Variants in ESR2 observed in about 807,000 individuals in gnomAD.
ESR2 encodes the protein estrogen receptor 2.
In ESR2, 36 loss-of-function variants were observed where a neutral mutation model predicts 49.6. The observed-to-expected ratio is 0.73, with a 90% CI of 0.56 to 0.96. The LOEUF (loss-of-function observed/expected upper bound fraction) is 0.96. Ranked by LOEUF, ESR2 falls within the 40% of genes least tolerant of loss-of-function variation. The pLI is 0.00. For missense variants in ESR2, 714 were observed against 693.0 expected, an observed-to-expected ratio of 1.03 and a Z score of -0.34; for synonymous variants, 320 against 266.1, an observed-to-expected ratio of 1.20 and a Z score of -1.97.
At chr14:64,295,533 C>T (rs576758825), upstream of ESR2, among the ~76,000 whole-genome samples, 9 of 152,258 alleles carry the variant, frequency 5.9e-5, no homozygotes, top group South Asian at 1.9e-3. Context: ...AGCTGAGAGT[C>T]CTGGTTTCTC....
At chr14:64,302,807 T>A (rs1383556147) in intron 1 of ESR2, among the ~76,000 whole-genome samples, 1 of 152,130 alleles carries the variant, frequency 6.6e-6, no homozygotes, top group African/African-American at 2.4e-5. Context: ...ATTGTTGTTT[T>A]GTTTTTTTGA....
Position 64,231,900 on chromosome 14 carries a change from T to A in ESR2, c.*1237A>T, listed in dbSNP as rs2098727602. ...CTTCATGTCCTATTTATGTTCCACT[T>A]GGAATAAGAACTAATATTTTTACTG... On this transcript the variant is annotated 3_prime_UTR_variant, in exon 9 of 9. Coordinates refer to ENST00000341099, the MANE Select transcript of ESR2 (RefSeq NM_001437.3). 6.6e-6 allele frequency: 1 copy of A among 152,226 alleles called. No individual in the cohort carries two copies. The allele number at this position is 152,226 out of a possible 1,614,324, so 9.4% of individuals were successfully genotyped here.
chr14:64,264,876 CAAAAAAAAAAAAA>C (rs2076296814), intron 4 of ESR2, among the ~76,000 whole-genome samples: 3 of 119,332 alleles, frequency 2.5e-5, no homozygotes, highest in East Asian at 4.7e-4. Context: ...TACCCTGTCT[CAAAAAAAAAAAAA>C]GAAAAAAAAA....
At chr14:64,246,640 G>C (rs765811045) in intron 7 of ESR2, among the ~76,000 whole-genome samples, 1 of 142,340 alleles carries the variant, frequency 7.0e-6, no homozygotes, top group Non-Finnish European at 1.5e-5. Flanking sequence ...GGCATCGCTT[G>C]AGAATCACTT....
At position 64,260,419 on chromosome 14, in the gene ESR2, C is replaced by T. The variant is rs750223393; in HGVS notation, c.952+30G>A. The T allele has an allele frequency of 4.2e-5, 64 of 1,522,262 alleles. 1 individual carries two copies. The East Asian group carries it at 1.3e-3, about 30-fold the overall frequency. 94.3% of individuals were successfully genotyped at this position (1,522,262 alleles called of 1,614,324 possible). On this transcript the variant is annotated intron_variant, in intron 5 of 8. Transcript: ENST00000341099. ...TTAGCGGCCGGCCTTTCTACAAGTA[C>T]ATGGAAAACTGATAGCCAGAAAGCC...
chr14:64,234,846 C>A, intron 8 of ESR2, 124 bp downstream of exon 8: 1 of 1,492,352 alleles, frequency 6.7e-7, no homozygotes, highest in South Asian at 1.4e-5. Context: ...CTGACAAATT[C>A]CCCATTCCCT....
Position 64,233,200 on chromosome 14 carries a change from G to A in ESR2, c.1530C>T (p.Ser510=), listed in dbSNP as rs773850651. 20 of 1,614,098 alleles carry A rather than the reference G, an allele frequency of 1.2e-5. No individual in the cohort carries two copies. Among genetic ancestry groups the A allele is most frequent in the Non-Finnish European group, 1.4e-5 (17 of 1,179,996 alleles). ...TACTGTCCTCTGCCGGGCTGCACTC[G>A]GACCCCGTGATGGAGGACTTGCACC... ...LRGCKSSITG[S]ECSPAEDSKS... Residue 510 remains serine (S), a synonymous_variant, in exon 9 of 9, where the codon TCC becomes TCT. Transcript: ENST00000341099.
chr14:64,283,510 A>G (rs1399014692), intron 1 of ESR2, among the ~76,000 whole-genome samples: 1 of 152,034 alleles, frequency 6.6e-6, no homozygotes, highest in Non-Finnish European at 1.5e-5. Context: ...TGTAATCCCA[A>G]TACTTTGGGA....
chr14:64,239,893 C>G lies in ESR2; in HGVS notation c.1226-4743G>C, dbSNP rs371052644. Among the ~76,000 whole-genome samples, 5 of 152,280 alleles carry G rather than the reference C, an allele frequency of 3.3e-5. No homozygotes were observed. The South Asian group carries it at 1.0e-3, about 32-fold the overall frequency. On this transcript the variant is annotated intron_variant, in intron 7 of 8. Coordinates refer to ENST00000341099, the MANE Select transcript of ESR2 (RefSeq NM_001437.3). ...CTCCCCAAGAGAGAAATATGTGCCT[C>G]TCCACTTAAGCCCACCATGGATCAG...
chr14:64,242,440 C>T (rs1238988211), intron 7 of ESR2, among the ~76,000 whole-genome samples: 2 of 90,068 alleles, frequency 2.2e-5, no homozygotes, highest in African/African-American at 8.5e-5. Context: ...AACAAACAAA[C>T]AAACAAAAAA....
At chr14:64,277,653 A>G (rs953868071) in intron 3 of ESR2, among the ~76,000 whole-genome samples, 1 of 149,824 alleles carries the variant, frequency 6.7e-6, no homozygotes, top group Admixed American at 6.7e-5. Context: ...AAAAAAAGTT[A>G]CATGCAAGGA....
At chr14:64,300,636 G>A (rs952265165) in intron 1 of ESR2, among the ~76,000 whole-genome samples, 1 of 152,010 alleles carries the variant, frequency 6.6e-6, no homozygotes, top group African/African-American at 2.4e-5. Flanking sequence ...GGCACCTGTA[G>A]TCCCAGCTAC....
At chr14:64,253,447 T>A (rs569937955) in intron 6 of ESR2, among the ~76,000 whole-genome samples, 4 of 152,052 alleles carry the variant, frequency 2.6e-5, no homozygotes, top group African/African-American at 9.7e-5. Context: ...CATCTCAGTC[T>A]CCCCAAGTGC....
At chr14:64,301,564 AAG>A (rs1308491326) in intron 1 of ESR2, 2 of 152,118 alleles carry the variant, frequency 1.3e-5, no homozygotes, top group Non-Finnish European at 2.9e-5. Context: ...TGGCTGGGAG[AAG>A]AGAGCCCAGG....
chr14:64,316,704 TAGGCTG>T, intron 1 of ESR2, among the ~76,000 whole-genome samples: 1 of 151,858 alleles, frequency 6.6e-6, no homozygotes, highest in East Asian at 1.9e-4. Flanking sequence ...AGCTACTTTG[TAGGCTG>T]AGGCAAGAGA....
intron 1 of ESR2, among the ~76,000 whole-genome samples, chr14:64,288,940 C>T (rs1384080064): frequency 1.4e-5 from 2 of 143,468 alleles, no homozygotes; most frequent in East Asian, 4.2e-4. Context: ...GAGCCGAGAT[C>T]ACGCCACTGC....
chr14:64,292,399 A>G (rs1018110433), intron 1 of ESR2, among the ~76,000 whole-genome samples: 7 of 152,306 alleles, frequency 4.6e-5, no homozygotes, highest in East Asian at 3.8e-4. Flanking sequence ...TGCTGGTTAC[A>G]TGACTGTGCA....
At chr14:64,326,083 A>G (rs1011659239) in intron 1 of ESR2, among the ~76,000 whole-genome samples, 2 of 152,144 alleles carry the variant, frequency 1.3e-5, no homozygotes, top group Non-Finnish European at 2.9e-5. Flanking sequence ...TCTTTTATAA[A>G]TGGAGCCAAC....
At chr14:64,264,730 G>C (rs764202822) in intron 4 of ESR2, among the ~76,000 whole-genome samples, 3 of 151,972 alleles carry the variant, frequency 2.0e-5, no homozygotes, top group African/African-American at 7.3e-5. Flanking sequence ...AATTAGCCAG[G>C]CATGGTGGTG....
Sources: gnomAD v4.1 joint callset for allele counts (sites outside exome capture counted in the v4.1 genomes callset) on GRCh38, gnomAD v4.1.1 for gene constraint, MANE v1.5 for transcripts, NCBI Gene and HGNC (gene_info 2026-07-23, HGNC 2026-07-21) for gene names.